Variants in CAMTA1 observed in about 807,000 individuals in gnomAD.
CAMTA1 encodes the protein calmodulin binding transcription activator 1.
CAMTA1 carries 27 observed loss-of-function variants against 170.9 expected under a neutral mutation model. The observed-to-expected ratio is 0.16, with a 90% CI of 0.12 to 0.22. The LOEUF (loss-of-function observed/expected upper bound fraction) is 0.22. CAMTA1 is among the 10% of genes least tolerant of loss of function. The pLI is 1.00. For synonymous variants in CAMTA1, 833 were observed against 891.5 expected (o/e 0.93, Z 1.17); for missense variants, 1,619 against 2,217.2 (o/e 0.73, Z 5.42).
intron 7 of CAMTA1, among the ~76,000 whole-genome samples, chr1:7,653,148 A>ATTCT (rs2095858357): frequency 6.6e-6 from 1 of 152,176 alleles, no homozygotes; most frequent in Admixed American, 6.5e-5. Context: ...GTGTCAGGTG[A>ATTCT]TTCTAGTGCT....
rs923497696 is a variant in CAMTA1 at position 7,455,576 on chromosome 1, G to T, written c.439-12254G>T. ...CTTCATAAGCAAAACCCTGTTGTCC[G>T]TTTTAAGCAAGAATCCCTGCCCAGA... On this transcript the variant is annotated intron_variant, in intron 5 of 22. Coordinates refer to ENST00000303635, the MANE Select transcript of CAMTA1 (RefSeq NM_015215.4). The surrounding 1 kb of genome is among the most constrained non-coding windows in gnomAD (Gnocchi z 5.0). Among the ~76,000 whole-genome samples, 1 of 152,202 alleles carries T rather than the reference G, an allele frequency of 6.6e-6. No individual in the cohort carries two copies. The highest frequency in any genetic ancestry group is 1.5e-5 in the Non-Finnish European group (1 of 68,034).
intron 5 of CAMTA1, among the ~76,000 whole-genome samples, chr1:7,358,028 C>T (rs1216523047): frequency 2.0e-5 from 3 of 152,156 alleles, no homozygotes; most frequent in African/African-American, 7.2e-5. Flanking sequence ...GATCTGGGGG[C>T]TCCTTTTCAA....
intron 6 of CAMTA1, among the ~76,000 whole-genome samples, chr1:7,590,762 C>A (rs767735283): frequency 1.3e-5 from 2 of 152,188 alleles, no homozygotes; most frequent in Admixed American, 6.5e-5. Context: ...AGAGACTGGG[C>A]AGTGGGTGTC....
chr1:7,569,367 A>G (rs1377969154), intron 6 of CAMTA1, among the ~76,000 whole-genome samples: 2 of 148,232 alleles, frequency 1.3e-5, no homozygotes, highest in East Asian at 4.1e-4. Flanking sequence ...CATCACCACC[A>G]CCAACCATCA....
chr1:7,375,371 C>T (rs1376208411), intron 5 of CAMTA1, among the ~76,000 whole-genome samples: 2 of 152,172 alleles, frequency 1.3e-5, no homozygotes, highest in African/African-American at 4.8e-5. Context: ...TGGCCACACC[C>T]TAGAGACTCC....
At chr1:7,651,025 C>T (rs940205703) in intron 7 of CAMTA1, among the ~76,000 whole-genome samples, 4 of 152,272 alleles carry the variant, frequency 2.6e-5, no homozygotes, top group Non-Finnish European at 5.9e-5. Context: ...GGCACGTGGC[C>T]GCTCCCTCTC....
chr1:7,746,148 G>C, intron 18 of CAMTA1, 57 bp downstream of exon 18: 2 of 1,569,980 alleles, frequency 1.3e-6, no homozygotes, highest in Non-Finnish European at 1.7e-6. Context: ...GAGGACAGAT[G>C]AAAGTCAGAA....
intron 3 of CAMTA1, among the ~76,000 whole-genome samples, chr1:6,939,088 A>AG (rs1018071880): frequency 2.0e-5 from 3 of 152,198 alleles, no homozygotes; most frequent in African/African-American, 4.8e-5. Context: ...CATGACCCAT[A>AG]GGGCTGGCCC....
At chr1:7,577,974 G>C (rs1328558928) in intron 6 of CAMTA1, among the ~76,000 whole-genome samples, 1 of 152,190 alleles carries the variant, frequency 6.6e-6, no homozygotes, top group Non-Finnish European at 1.5e-5. Flanking sequence ...ACAGGATTCT[G>C]CCGTCAGATG....
intron 3 of CAMTA1, among the ~76,000 whole-genome samples, chr1:6,997,957 C>T (rs1697577103): frequency 6.6e-6 from 1 of 151,864 alleles, no homozygotes; most frequent in Admixed American, 6.6e-5. Context: ...CCGTGCCCAG[C>T]CTCCTTTCAT....
At chr1:7,500,059 A>ACGTATATGAGTGTGTGTGTG (rs2093960693) in intron 6 of CAMTA1, among the ~76,000 whole-genome samples, 2 of 133,466 alleles carry the variant, frequency 1.5e-5, no homozygotes, top group South Asian at 5.4e-4. Context: ...GTGCGTGTGT[A>ACGTATATGAGTGTGTGTGTG]CGTATATGAG....
chr1:7,509,785 A>G (rs568463136), intron 6 of CAMTA1, among the ~76,000 whole-genome samples: 5 of 152,136 alleles, frequency 3.3e-5, no homozygotes, highest in South Asian at 2.1e-4. Context: ...AGGCTAGGAG[A>G]CCTGGGCTTT....
chr1:6,893,878 C>T (rs1443742621), intron 3 of CAMTA1, among the ~76,000 whole-genome samples: 1 of 152,178 alleles, frequency 6.6e-6, no homozygotes, highest in African/African-American at 2.4e-5. Flanking sequence ...AAATATCAAG[C>T]CCACTCCTCA....
At chr1:7,461,980 A>G (rs957901575) in intron 5 of CAMTA1, among the ~76,000 whole-genome samples, 2 of 152,240 alleles carry the variant, frequency 1.3e-5, no homozygotes, top group Non-Finnish European at 2.9e-5. Flanking sequence ...AGGAAATCAC[A>G]CATATTGAGC....
In CAMTA1 at chr1:7,007,842, G is replaced by A. The variant is rs568673449; in HGVS notation, c.235-83462G>A. Among the ~76,000 whole-genome samples, 6 of 152,308 alleles carry A rather than the reference G, an allele frequency of 3.9e-5. No homozygotes were observed. The South Asian group carries it at 1.2e-3, about 32-fold the overall frequency. On this transcript the variant is annotated intron_variant, in intron 3 of 22. Transcript: ENST00000303635. This position sits in a 1 kb window ranked among gnomAD's most constrained non-coding sequence, Gnocchi z 4.5. Reference sequence around the variant, plus strand: ...TCAGCCCCACCTCTCCAGAGGCCCGGCACACAGTAGGCACTCAATGGTTGT... The same window carrying A: ...TCAGCCCCACCTCTCCAGAGGCCCGACACACAGTAGGCACTCAATGGTTGT...
chr1:7,156,971 G>A (rs1646919910), intron 4 of CAMTA1, among the ~76,000 whole-genome samples: 1 of 152,106 alleles, frequency 6.6e-6, no homozygotes, highest in Non-Finnish European at 1.5e-5. Context: ...TCACCTCTCT[G>A]TTCCCAAGAA....
chr1:7,493,125 CACAG>C lies in CAMTA1; in HGVS notation c.510+25228_510+25231del, dbSNP rs1007595637. On this transcript the variant is annotated intron_variant, in intron 6 of 22. Coordinates refer to ENST00000303635, the MANE Select transcript of CAMTA1 (RefSeq NM_015215.4). ...AAACCTACATACACACACGCGCACACACAGACATACAAACGTGAGCACACAACAC... is the reference window on the plus strand; with the variant it reads ...AAACCTACATACACACACGCGCACACACATACAAACGTGAGCACACAACAC... 1.9e-4 allele frequency among the ~76,000 whole-genome samples: 26 copies of C among 137,256 alleles called. 1 individual carries two copies. Among genetic ancestry groups the C allele is most frequent in the East Asian group, 6.7e-4 (3 of 4,510 alleles). The allele number at this position is 137,256 out of a possible 152,430, so 90.0% of individuals were successfully genotyped here.
chr1:7,053,286 C>T (rs1014240028), intron 3 of CAMTA1, among the ~76,000 whole-genome samples: 1 of 152,196 alleles, frequency 6.6e-6, no homozygotes, highest in African/African-American at 2.4e-5. Context: ...ACTCACTTCC[C>T]TCCAGTTCTG....
chr1:7,767,320 T>G lies in CAMTA1; in HGVS notation c.*829T>G, dbSNP rs1323286712. On this transcript the variant is annotated 3_prime_UTR_variant, in exon 23 of 23. Coordinates refer to ENST00000303635, the MANE Select transcript of CAMTA1 (RefSeq NM_015215.4). ...TTTTTTGCCTTACTTTCATGTGCAA[T>G]GAGAATTACTTAAGAATTGGTAACG... 1 of 152,814 alleles carries G rather than the reference T, an allele frequency of 6.5e-6. No individual in the cohort carries two copies. The highest frequency in any genetic ancestry group is 1.5e-5 in the Non-Finnish European group (1 of 68,032). 9.5% of individuals were successfully genotyped at this position (152,814 alleles called of 1,614,324 possible).
Sources: allele counts gnomAD v4.1 joint callset (sites outside exome capture counted in the v4.1 genomes callset), GRCh38; gene constraint gnomAD v4.1.1; non-coding constraint Gnocchi (gnomAD v3.1); transcripts MANE v1.5; gene names NCBI Gene and HGNC (gene_info 2026-07-23, HGNC 2026-07-21).